LRTM3: variants seen among roughly 807,000 people sequenced by gnomAD.
LRTM3 encodes leucine rich repeat transmembrane protein 3.
chr13:102,729,549 G>C, the LRTM3 span: 3 of 1,513,762 alleles, frequency 2.0e-6, no homozygotes, highest in Non-Finnish European at 2.6e-6. Flanking sequence ...TTTGCCACTA[G>C]GGGAATTCTG....
the LRTM3 span, chr13:102,742,886 T>C: frequency 6.4e-7 from 1 of 1,550,850 alleles, no homozygotes; most frequent in Non-Finnish European, 8.7e-7. Context: ...TGATATGGCA[T>C]CATCTGTTGC....
At chr13:102,740,779 G>A in the LRTM3 span, 4 of 1,549,062 alleles carry the variant, frequency 2.6e-6, no homozygotes, top group East Asian at 4.9e-5. Context: ...GAAAAAGCAA[G>A]CCAATTCCTT....
the LRTM3 span, chr13:102,737,122 C>T: frequency 1.4e-5 from 21 of 1,551,004 alleles, no homozygotes; most frequent in Non-Finnish European, 1.8e-5. Flanking sequence ...GTGATAATTG[C>T]TCTGCCTCAA....
chr13:102,755,191 A>C, the LRTM3 span, among the ~76,000 whole-genome samples: 1 of 150,836 alleles, frequency 6.6e-6, no homozygotes, highest in South Asian at 2.1e-4. Context: ...TACACCTGCA[A>C]CTCCCTCTGT....
the LRTM3 span, chr13:102,744,182 A>G: frequency 4.5e-6 from 7 of 1,550,392 alleles, no homozygotes; most frequent in Non-Finnish European, 6.1e-6. Flanking sequence ...ATATCTTATG[A>G]TATTAAACAA....
chr13:102,743,345 G>T, the LRTM3 span: 1 of 1,550,444 alleles, frequency 6.4e-7, no homozygotes, highest in South Asian at 1.2e-5. Flanking sequence ...AATGTCAGAG[G>T]AATCTGGAGT....
chr13:102,752,106 C>T, the LRTM3 span, among the ~76,000 whole-genome samples: 1 of 152,186 alleles, frequency 6.6e-6, no homozygotes, highest in South Asian at 2.1e-4. Flanking sequence ...AGACTACCAA[C>T]CACAGAGTGG....
the LRTM3 span, chr13:102,750,008 T>C: frequency 6.5e-7 from 1 of 1,550,186 alleles, no homozygotes; most frequent in Non-Finnish European, 8.7e-7. Context: ...AGGTGCCACA[T>C]CTAGATCTTC....
chr13:102,734,982 C>G, the LRTM3 span: 2 of 1,551,150 alleles, frequency 1.3e-6, no homozygotes, highest in South Asian at 1.2e-5. Flanking sequence ...TCTGGTGATA[C>G]CTGGAGTTTT....
chr13:102,746,981 G>A, the LRTM3 span: 1 of 1,551,042 alleles, frequency 6.4e-7, no homozygotes, highest in Admixed American at 2.0e-5. Flanking sequence ...GAATGGGATT[G>A]GTTGATGCAT....
the LRTM3 span, chr13:102,748,631 G>T: frequency 6.4e-7 from 1 of 1,550,592 alleles, no homozygotes; most frequent in East Asian, 2.4e-5. Context: ...TTCTTCTAAA[G>T]ATGTCTTGTG....
At chr13:102,746,022 G>A in the LRTM3 span, 7 of 1,551,130 alleles carry the variant, frequency 4.5e-6, no homozygotes, top group South Asian at 8.3e-5. Context: ...GCTTTGGGAG[G>A]TGGAATCTTA....
chr13:102,748,997 G>T, the LRTM3 span: 1 of 1,550,648 alleles, frequency 6.4e-7, no homozygotes, highest in Non-Finnish European at 8.7e-7. Context: ...TATTAAACCC[G>T]GCATGACTTT....
At chr13:102,734,258 CT>C in the LRTM3 span, 2 of 1,551,406 alleles carry the variant, frequency 1.3e-6, no homozygotes, top group Non-Finnish European at 1.7e-6. Flanking sequence ...TACATCACCA[CT>C]CCTTGCCTCT....
the LRTM3 span, among the ~76,000 whole-genome samples, chr13:102,752,662 T>C: frequency 6.6e-6 from 1 of 152,348 alleles, no homozygotes; most frequent in African/African-American, 2.4e-5. Context: ...TTTAGAGCAC[T>C]TATTAACCTC....
chr13:102,735,193 A>G, the LRTM3 span: 1 of 1,551,324 alleles, frequency 6.4e-7, no homozygotes, highest in Non-Finnish European at 8.7e-7. Flanking sequence ...TATGTAAGAC[A>G]GGCGATTTCT....
chr13:102,730,268 T>C, the LRTM3 span: 5 of 1,551,438 alleles, frequency 3.2e-6, no homozygotes, highest in Non-Finnish European at 4.4e-6. Context: ...AAATAGAATG[T>C]TTTCTGATTC....
At chr13:102,746,585 G>C in the LRTM3 span, 1 of 1,551,054 alleles carries the variant, frequency 6.4e-7, no homozygotes, top group Non-Finnish European at 8.7e-7. Context: ...TGGCTTCACA[G>C]CCTTTGTATT....
chr13:102,733,902 T>C, the LRTM3 span: 2 of 1,551,316 alleles, frequency 1.3e-6, no homozygotes, highest in Non-Finnish European at 1.7e-6. Context: ...ACTGAGTCTC[T>C]ATTTGTTATT....
Sources: allele counts gnomAD v4.1 joint callset (sites outside exome capture counted in the v4.1 genomes callset), GRCh38; gene constraint gnomAD v4.1.1; transcripts MANE v1.5; gene names NCBI Gene and HGNC (gene_info 2026-07-23, HGNC 2026-07-21).